MCTP1: variants seen among roughly 807,000 people sequenced by gnomAD.
The protein encoded by MCTP1 is multiple C2 and transmembrane domain containing 1.
A neutral mutation model predicts 120.6 loss-of-function variants in MCTP1; 69 were observed. The observed-to-expected ratio is 0.57, with a 90% CI of 0.47 to 0.70. MCTP1 has a LOEUF of 0.70. Ranked by LOEUF, MCTP1 falls within the 30% of genes least tolerant of loss-of-function variation. MCTP1 has a pLI of 0.00. For synonymous variants in MCTP1, 529 were observed against 493.1 expected (o/e 1.07, Z -0.96); for missense variants, 1,203 against 1,248.8 (o/e 0.96, Z 0.55).
At position 94,773,746 on chromosome 5, in the gene MCTP1, C is replaced by T. The variant is rs552010312; in HGVS notation, c.2610+5364G>A. Reference sequence around the variant, plus strand: ...AGTGAGTGTGTGCAGGGGAACTCCCCTTTATAAAACTATCAGATCTCATGA... The same window carrying T: ...AGTGAGTGTGTGCAGGGGAACTCCCTTTTATAAAACTATCAGATCTCATGA... On this transcript the variant is annotated intron_variant, in intron 19 of 22. Coordinates refer to ENST00000515393, the MANE Select transcript of MCTP1 (RefSeq NM_024717.7). Among the ~76,000 whole-genome samples, 12 of 152,192 alleles carry T rather than the reference C, an allele frequency of 7.9e-5. No homozygotes were observed. The East Asian group carries it at 2.3e-3, about 29-fold the overall frequency.
chr5:94,802,147 G>T (rs1418965902), intron 17 of MCTP1, among the ~76,000 whole-genome samples: 2 of 152,122 alleles, frequency 1.3e-5, no homozygotes, highest in East Asian at 1.9e-4. Context: ...GTGGTTTTAA[G>T]AATCTAATAT....
intron 4 of MCTP1, among the ~76,000 whole-genome samples, chr5:94,941,671 C>A (rs1473012416): frequency 1.3e-5 from 2 of 151,960 alleles, no homozygotes; most frequent in Non-Finnish European, 2.9e-5. Flanking sequence ...CATGCATGAT[C>A]TTTTCTAATG....
chr5:94,882,420 G>GT (rs549174897), intron 12 of MCTP1, among the ~76,000 whole-genome samples: 1,690 of 145,764 alleles, frequency 0.012, 18 homozygotes, highest in Middle Eastern at 0.039. Context: ...TCTGTAGTAA[G>GT]TTTTTTTTTT....
At chr5:94,874,891 AAT>A (rs1255316975) in intron 12 of MCTP1, among the ~76,000 whole-genome samples, 2 of 152,176 alleles carry the variant, frequency 1.3e-5, no homozygotes, top group Non-Finnish European at 2.9e-5. Context: ...AACACCTTTC[AAT>A]ATAAGCGTGC....
intron 10 of MCTP1, among the ~76,000 whole-genome samples, chr5:94,898,412 T>C (rs1325718828): frequency 2.6e-5 from 4 of 152,226 alleles, no homozygotes. Flanking sequence ...TATCAAATCA[T>C]ATTGTTGCTG....
At chr5:94,786,199 G>A (rs2152965073) in intron 18 of MCTP1, among the ~76,000 whole-genome samples, 2 of 152,136 alleles carry the variant, frequency 1.3e-5, no homozygotes, top group South Asian at 2.1e-4. Flanking sequence ...TCATAAAGAG[G>A]GTGAGTGGAA....
chr5:94,740,433 G>A (rs1022249929), intron 19 of MCTP1, among the ~76,000 whole-genome samples: 1 of 152,146 alleles, frequency 6.6e-6, no homozygotes, highest in Non-Finnish European at 1.5e-5. Flanking sequence ...CAGTATTAAA[G>A]TCGAGTTTAA....
chr5:95,062,711 A>G (rs1455726658), intron 1 of MCTP1, among the ~76,000 whole-genome samples: 2 of 152,242 alleles, frequency 1.3e-5, no homozygotes, highest in Non-Finnish European at 2.9e-5. Context: ...GCACACAGAA[A>G]TACATTCCAA....
At chr5:95,234,201 G>T (rs962257839) in intron 1 of MCTP1, among the ~76,000 whole-genome samples, 8 of 152,150 alleles carry the variant, frequency 5.3e-5, no homozygotes, top group Non-Finnish European at 1.2e-4. Context: ...CATCCAGAAA[G>T]ATTTACCTCT....
chr5:95,060,739 A>C (rs1387399736), intron 1 of MCTP1, among the ~76,000 whole-genome samples: 3 of 152,136 alleles, frequency 2.0e-5, no homozygotes, highest in African/African-American at 7.2e-5. Context: ...TGGGAGGCTG[A>C]GGTGGGTGGA....
chr5:94,800,836 G>T (rs1332929651), intron 17 of MCTP1, among the ~76,000 whole-genome samples: 3 of 152,006 alleles, frequency 2.0e-5, no homozygotes, highest in Non-Finnish European at 4.4e-5. Flanking sequence ...AGTAACTATA[G>T]ATTCAAGTTC....
At chr5:94,953,677 T>C (rs1284032141) in intron 2 of MCTP1, among the ~76,000 whole-genome samples, 1 of 150,122 alleles carries the variant, frequency 6.7e-6, no homozygotes, top group Non-Finnish European at 1.5e-5. Context: ...AAAAGATACC[T>C]GACTCAAATG....
intron 1 of MCTP1, among the ~76,000 whole-genome samples, chr5:95,203,807 C>G (rs886270114): frequency 2.0e-5 from 3 of 152,188 alleles, no homozygotes; most frequent in African/African-American, 7.2e-5. Flanking sequence ...TAATCTTCAG[C>G]TTTCAATTAA....
chr5:95,068,799 G>C (rs1427243405), intron 1 of MCTP1: 18 of 1,279,874 alleles, frequency 1.4e-5, no homozygotes, highest in Non-Finnish European at 1.7e-5. Context: ...ACTGCATTTA[G>C]TCTGTCCTTT....
chr5:94,898,269 A>G (rs937832751), intron 10 of MCTP1, among the ~76,000 whole-genome samples: 3 of 152,200 alleles, frequency 2.0e-5, no homozygotes, highest in Admixed American at 6.5e-5. Context: ...TGTGCTAGTT[A>G]AGGTTATTTG....
At chr5:94,951,319 C>T (rs1820511895) in intron 3 of MCTP1, among the ~76,000 whole-genome samples, 1 of 152,172 alleles carries the variant, frequency 6.6e-6, no homozygotes, top group Admixed American at 6.5e-5. Flanking sequence ...TAGATGAATA[C>T]TTATTCTTGA....
rs1821905682 is a variant in MCTP1 at position 94,954,183 on chromosome 5, C to CATATATATACATATATATATGCATAT, written c.839-823_839-822insATATGCATATATATATGTATATATAT. Among the ~76,000 whole-genome samples, 12 of 57,768 alleles carry CATATATATACATATATATATGCATAT rather than the reference C, an allele frequency of 2.1e-4. 2 individuals carry two copies. Among genetic ancestry groups the CATATATATACATATATATATGCATAT allele is most frequent in the African/African-American group, 8.7e-4 (11 of 12,640 alleles). The allele number at this position is 57,768 out of a possible 152,430, so 37.9% of individuals were successfully genotyped here. A position where few individuals can be genotyped will look rare whatever the true frequency, so the allele number is the denominator to read the frequency against. On this transcript the variant is annotated intron_variant, in intron 2 of 22. Coordinates refer to ENST00000515393, the MANE Select transcript of MCTP1 (RefSeq NM_024717.7). The stretch of plus-strand genomic sequence containing the variant: ...GCATATATATACATATATATATATG[C>CATATATATACATATATATATGCATAT]ATATATATATATATATATATATGCC...
Position 95,270,085 on chromosome 5 carries a change from A to G in MCTP1, c.720+13771T>C, listed in dbSNP as rs538846310. ...AACGTATAACATATGTCTAATAATA[A>G]TATCAATAACAAAAATAATGATGGT... On this transcript the variant is annotated intron_variant, in intron 1 of 22. Transcript: ENST00000515393. Among the ~76,000 whole-genome samples the G allele has an allele frequency of 3.3e-5, 5 of 152,368 alleles. No individual in the cohort carries two copies. In the South Asian group the frequency reaches 1.0e-3, roughly 32 times the overall value.
intron 1 of MCTP1, among the ~76,000 whole-genome samples, chr5:95,044,136 C>T (rs549050898): frequency 6.6e-6 from 1 of 152,200 alleles, no homozygotes; most frequent in Admixed American, 6.5e-5. Flanking sequence ...CTTTGTTGTC[C>T]TTGTTGAGGG....
Sources: allele counts gnomAD v4.1 joint callset (sites outside exome capture counted in the v4.1 genomes callset), GRCh38; gene constraint gnomAD v4.1.1; transcripts MANE v1.5; gene names NCBI Gene and HGNC (gene_info 2026-07-23, HGNC 2026-07-21).